The following RNF212B variants were observed in gnomAD, a reference collection of about 807,000 sequenced individuals.
RNF212B encodes the protein E3 ubiquitin-protein ligase RNF212B.
A neutral mutation model predicts 55.5 loss-of-function variants in RNF212B; 52 were observed. The ratio of observed to expected loss-of-function variants is 0.94; its 90% CI spans 0.75 to 1.18. The LOEUF is 1.18. Among genes scored for constraint, RNF212B ranks in the 50% most tolerant of loss-of-function variants. The pLI is 0.00. For synonymous variants in RNF212B, 99 were observed against 121.4 expected (o/e 0.82, Z 1.21); for missense variants, 289 against 350.4 (o/e 0.82, Z 1.40).
intron 2 of RNF212B, among the ~76,000 whole-genome samples, chr14:23,201,931 C>T (rs559950645): frequency 6.6e-6 from 1 of 152,154 alleles, no homozygotes; most frequent in South Asian, 2.1e-4. Flanking sequence ...CTTCCATAAA[C>T]CTTTTATAAC....
At chr14:23,231,586 A>G (rs867110859) in intron 2 of RNF212B, among the ~76,000 whole-genome samples, 9 of 152,274 alleles carry the variant, frequency 5.9e-5, no homozygotes, top group Non-Finnish European at 7.4e-5. Context: ...AGAGTAGAAG[A>G]AAAGATAAGA....
At chr14:23,206,675 C>A (rs1879867131) in intron 2 of RNF212B, among the ~76,000 whole-genome samples, 1 of 151,962 alleles carries the variant, frequency 6.6e-6, no homozygotes, top group Non-Finnish European at 1.5e-5. Flanking sequence ...AGGTGAAAAT[C>A]AAATAGCAAA....
At position 23,264,158 on chromosome 14, in the gene RNF212B, G is replaced by A. The variant is rs1242924618; in HGVS notation, c.525-16G>A. 1 of 1,520,788 alleles carries A rather than the reference G, an allele frequency of 6.6e-7. No homozygotes were observed. The highest frequency in any genetic ancestry group is 1.4e-5 in the African/African-American group (1 of 71,068). The allele number at this position is 1,520,788 out of a possible 1,614,324, so 94.2% of individuals were successfully genotyped here. A position where few individuals can be genotyped will look rare whatever the true frequency, so the allele number is the denominator to read the frequency against. On this transcript the variant is annotated splice_polypyrimidine_tract_variant and intron_variant, in intron 9 of 14. Coordinates refer to ENST00000430154, the MANE Select transcript of RNF212B (RefSeq NM_001282322.3). ...GGTTTTTTGCCTTTTTTTTCTTTTT[G>A]TTTCACCTTATACAGTCGGTCCTCC...
intron 2 of RNF212B, among the ~76,000 whole-genome samples, chr14:23,228,836 A>G (rs1882273623): frequency 6.6e-6 from 1 of 152,142 alleles, no homozygotes; most frequent in South Asian, 2.1e-4. Context: ...GAATATGTAT[A>G]GAACACTGAT....
intron 2 of RNF212B, among the ~76,000 whole-genome samples, chr14:23,197,388 G>A (rs561110992): frequency 6.6e-6 from 1 of 152,224 alleles, no homozygotes; most frequent in African/African-American, 2.4e-5. Context: ...TTAGCCATGT[G>A]TGGTGGTACA....
intron 4 of RNF212B, among the ~76,000 whole-genome samples, chr14:23,252,570 A>G (rs1177619986): frequency 6.6e-6 from 1 of 152,192 alleles, no homozygotes; most frequent in Non-Finnish European, 1.5e-5. Flanking sequence ...AGGAGATAGG[A>G]AACCTCAAAT....
intron 4 of RNF212B, among the ~76,000 whole-genome samples, chr14:23,252,264 A>G (rs7150224): frequency 0.17 from 25,818 of 151,930 alleles, 3,206 homozygotes; most frequent in African/African-American, 0.36. Context: ...TGCTCCTATC[A>G]CTCAGGAAAT....
chr14:23,191,764 C>A (rs1231863960), intron 1 of RNF212B, among the ~76,000 whole-genome samples: 1 of 152,148 alleles, frequency 6.6e-6, no homozygotes, highest in Non-Finnish European at 1.5e-5. Context: ...TAATAAAAAA[C>A]AAACAAAACC....
At chr14:23,238,190 T>C (rs1290081327) in intron 1 of RNF212B, among the ~76,000 whole-genome samples, 135 bp downstream of exon 1, 2 of 152,170 alleles carry the variant, frequency 1.3e-5, no homozygotes, top group Admixed American at 1.3e-4. Context: ...GTTGGGCTCA[T>C]CTGGTCAATT....
chr14:23,268,715 A>T (rs1317512038), intron 11 of RNF212B, among the ~76,000 whole-genome samples: 1 of 152,224 alleles, frequency 6.6e-6, no homozygotes, highest in Non-Finnish European at 1.5e-5. Context: ...GAGGGATCTC[A>T]GCCCACAGAC....
intron 2 of RNF212B, among the ~76,000 whole-genome samples, chr14:23,202,388 A>T (rs1315862334): frequency 1.3e-5 from 2 of 152,138 alleles, no homozygotes; most frequent in African/African-American, 2.4e-5. Flanking sequence ...AAACTTATTT[A>T]TCTTTCCAAA....
intron 2 of RNF212B, among the ~76,000 whole-genome samples, chr14:23,225,172 T>C (rs1881899574): frequency 6.6e-6 from 1 of 152,082 alleles, no homozygotes. Context: ...CTGGCGAGGA[T>C]GTGGAGAAGA....
Position 23,262,945 on chromosome 14 carries a change from T to C in RNF212B, c.499T>C (p.Phe167Leu). ...PSQSVTPRPS[F>L]QHSSQVVSRS... The stretch of plus-strand genomic sequence containing the variant: ...TCTTTCAGTTACCCCACGACCCAGT[T>C]TCCAGCATAGCAGTCAAGTGGTCAG... The change falls in exon 9 of 15, where the codon TTC becomes CTC. Residue 167 changes from phenylalanine to leucine, a missense_variant. By Grantham distance (22) the Phe-to-Leu change is conservative (BLOSUM62 0). Coordinates refer to ENST00000430154, the MANE Select transcript of RNF212B (RefSeq NM_001282322.3). The C allele has an allele frequency of 1.3e-6, 2 of 1,550,580 alleles. No homozygotes were observed. Among genetic ancestry groups the C allele is most frequent in the Non-Finnish European group, 1.7e-6 (2 of 1,146,984 alleles).
chr14:23,235,119 G>A (rs1883008265), upstream of RNF212B, among the ~76,000 whole-genome samples: 1 of 152,076 alleles, frequency 6.6e-6, no homozygotes, highest in Admixed American at 6.6e-5. Context: ...AGCTGAGGCA[G>A]GAGAATTGCT....
chr14:23,236,451 G>A (rs1883102118), upstream of RNF212B, among the ~76,000 whole-genome samples: 2 of 152,124 alleles, frequency 1.3e-5, no homozygotes, highest in South Asian at 4.1e-4. Flanking sequence ...GGAGGCGGAG[G>A]TTGCAGTGAG....
At chr14:23,254,249 C>CA (rs1243123231) in intron 4 of RNF212B, among the ~76,000 whole-genome samples, 4 of 151,142 alleles carry the variant, frequency 2.6e-5, no homozygotes, top group Admixed American at 2.6e-4. Flanking sequence ...CAAACCCCTG[C>CA]ACTCCAGCCT....
intron 2 of RNF212B, among the ~76,000 whole-genome samples, chr14:23,194,453 A>G (rs1039956726): frequency 3.9e-5 from 6 of 152,206 alleles, no homozygotes; most frequent in Non-Finnish European, 8.8e-5. Context: ...AAGCTGATAA[A>G]TCAGCCAGGC....
At chr14:23,230,013 AT>A in intron 2 of RNF212B, 1 of 210,900 alleles carries the variant, frequency 4.7e-6, no homozygotes, top group Non-Finnish European at 1.0e-5. Context: ...GTTGTACCTG[AT>A]TTTATTATCA....
At chr14:23,226,707 G>A (rs999514440) in intron 2 of RNF212B, among the ~76,000 whole-genome samples, 10 of 151,968 alleles carry the variant, frequency 6.6e-5, no homozygotes, top group African/African-American at 2.2e-4. Flanking sequence ...CATCTTCGTG[G>A]TGCTGGACCA....
Sources: gnomAD v4.1 joint callset for allele counts (sites outside exome capture counted in the v4.1 genomes callset) on GRCh38, gnomAD v4.1.1 for gene constraint, MANE v1.5 for transcripts, NCBI Gene and HGNC (gene_info 2026-07-23, HGNC 2026-07-21) for gene names.